The following PGBD2 variants were observed in gnomAD, a reference collection of about 807,000 sequenced individuals.
PGBD2 encodes the protein piggyBac transposable element-derived protein 2.
A neutral mutation model predicts 8.1 loss-of-function variants in PGBD2; 6 were observed. The observed-to-expected ratio is 0.74, with a 90% confidence interval of 0.40 to 1.46. The LOEUF (loss-of-function observed/expected upper bound fraction) is 1.46, where lower values mean the gene tolerates loss of function less well. PGBD2 is among the 40% of genes most tolerant of loss of function. The pLI, the probability that PGBD2 is intolerant of heterozygous loss-of-function variation, is 0.02. For synonymous variants in PGBD2, 318 were observed against 272.2 expected (o/e 1.17, Z -1.66); for missense variants, 802 against 739.0 (o/e 1.09, Z -0.99).
chr1:248,899,685 C>T, the PGBD2 span, among the ~76,000 whole-genome samples: 8,376 of 150,672 alleles, frequency 0.056, 652 homozygotes, highest in African/African-American at 0.18. Flanking sequence ...AAAAAACTAT[C>T]CCCAAAGCTA....
At chr1:248,883,715 G>A in the PGBD2 span, among the ~76,000 whole-genome samples, 6 of 149,310 alleles carry the variant, frequency 4.0e-5, no homozygotes, top group Non-Finnish European at 8.9e-5. Flanking sequence ...TCCTGCCTCA[G>A]CCTTCCAAGT....
chr1:248,906,098 G>A (rs1661622263), upstream of PGBD2: 2 of 152,170 alleles, frequency 1.3e-5, no homozygotes, highest in African/African-American at 2.4e-5. Flanking sequence ...GGCCGTTCTG[G>A]CCTCGCAGGC....
the PGBD2 span, among the ~76,000 whole-genome samples, chr1:248,877,375 C>T: frequency 6.6e-6 from 1 of 152,202 alleles, no homozygotes; most frequent in Non-Finnish European, 1.5e-5. Context: ...TGGCTCACTG[C>T]AGCCTTGACC....
chr1:248,924,149 T>C (rs1662340411), downstream of PGBD2, among the ~76,000 whole-genome samples: 1 of 152,196 alleles, frequency 6.6e-6, no homozygotes. Flanking sequence ...TGCAGTGGCA[T>C]TGTCTCCTCC....
At chr1:248,874,284 A>C in the PGBD2 span, among the ~76,000 whole-genome samples, 1 of 152,100 alleles carries the variant, frequency 6.6e-6, no homozygotes, top group Non-Finnish European at 1.5e-5. Context: ...CGGCGCTCTC[A>C]CCGCCGCGGC....
chr1:248,907,707 C>G (rs1470022082), intron 1 of PGBD2, among the ~76,000 whole-genome samples: 4 of 152,206 alleles, frequency 2.6e-5, no homozygotes, highest in African/African-American at 4.8e-5. Flanking sequence ...CTGCACAGCC[C>G]TAGACCCCTT....
chr1:248,884,832 C>G, the PGBD2 span, among the ~76,000 whole-genome samples: 1 of 152,138 alleles, frequency 6.6e-6, no homozygotes, highest in East Asian at 1.9e-4. Context: ...TGCTATGTAG[C>G]AAGATTAATG....
chr1:248,901,397 A>G (rs1207016847), upstream of PGBD2, among the ~76,000 whole-genome samples: 1 of 152,222 alleles, frequency 6.6e-6, no homozygotes, highest in Non-Finnish European at 1.5e-5. Flanking sequence ...AATGACACAT[A>G]GATCAATGGA....
In PGBD2 at chr1:248,915,392, C is replaced by A. The variant is rs145772662; in HGVS notation, c.18-1210C>A. Among the ~76,000 whole-genome samples, 145 of 152,302 alleles carry A rather than the reference C, an allele frequency of 9.5e-4. 1 individual carries two copies. Among genetic ancestry groups the A allele is most frequent in the Middle Eastern group, 3.4e-3 (1 of 294 alleles). ...TGTCACTCTGTTTTTCACTTTCAGT[C>A]CAGTAGTCAATAAATTATATGAGCT... On this transcript the variant is annotated intron_variant, in intron 2 of 2. Coordinates refer to ENST00000329291, the MANE Select transcript of PGBD2 (RefSeq NM_170725.3).
chr1:248,914,377 C>A, intron 2 of PGBD2: 3 of 983,936 alleles, frequency 3.0e-6, no homozygotes, highest in Non-Finnish European at 3.6e-6. Context: ...ACTCCAAGGT[C>A]CATGAGAAGG....
chr1:248,876,031 G>A, the PGBD2 span, among the ~76,000 whole-genome samples: 2 of 149,152 alleles, frequency 1.3e-5, no homozygotes, highest in East Asian at 2.0e-4. Flanking sequence ...TCTTTGAGAC[G>A]GAGTTTTACT....
At chr1:248,922,126 C>G (rs947194260), downstream of PGBD2, among the ~76,000 whole-genome samples, 19 of 149,854 alleles carry the variant, frequency 1.3e-4, no homozygotes, top group Non-Finnish European at 2.4e-4. Flanking sequence ...GTGGCACGAT[C>G]TCGGCTCACT....
At chr1:248,885,706 A>G in the PGBD2 span, among the ~76,000 whole-genome samples, 1 of 152,316 alleles carries the variant, frequency 6.6e-6, no homozygotes, top group South Asian at 2.1e-4. Context: ...CCTGTTCTTT[A>G]TATATTTGAA....
chr1:248,913,923 C>T (rs771679733), intron 2 of PGBD2, 44 bp downstream of exon 2: 1 of 1,559,526 alleles, frequency 6.4e-7, no homozygotes, highest in Admixed American at 1.7e-5. Flanking sequence ...AGAATTTATT[C>T]CCCTATGCTT....
chr1:248,901,958 A>G (rs1225989120), upstream of PGBD2, among the ~76,000 whole-genome samples: 4 of 152,212 alleles, frequency 2.6e-5, no homozygotes, highest in Non-Finnish European at 5.9e-5. Context: ...ATTGATCATT[A>G]GAGAAATGCA....
the PGBD2 span, among the ~76,000 whole-genome samples, chr1:248,877,407 A>C: frequency 6.6e-6 from 1 of 152,136 alleles, no homozygotes; most frequent in African/African-American, 2.4e-5. Flanking sequence ...AGTGATCCTC[A>C]CACTTCAGCC....
At chr1:248,893,423 TTA>T in the PGBD2 span, among the ~76,000 whole-genome samples, 15 of 152,214 alleles carry the variant, frequency 9.9e-5, no homozygotes, top group African/African-American at 3.6e-4. Context: ...TGCCTACTTT[TTA>T]TATGTTTGAC....
the PGBD2 span, among the ~76,000 whole-genome samples, chr1:248,874,933 GATA>G: frequency 1.3e-5 from 2 of 150,588 alleles, no homozygotes; most frequent in African/African-American, 5.0e-5. Context: ...TAGATAGATA[GATA>G]GATAGATAGA....
chr1:248,889,903 C>A, the PGBD2 span, among the ~76,000 whole-genome samples: 1 of 151,854 alleles, frequency 6.6e-6, no homozygotes, highest in Non-Finnish European at 1.5e-5. Flanking sequence ...AACTCTCCCA[C>A]CCTGAATCCT....
Sources: allele counts gnomAD v4.1 joint callset (sites outside exome capture counted in the v4.1 genomes callset), GRCh38; gene constraint gnomAD v4.1.1; transcripts MANE v1.5; gene names NCBI Gene and HGNC (gene_info 2026-07-23, HGNC 2026-07-21).